SLC16A12: variants seen among roughly 807,000 people sequenced by gnomAD.
SLC16A12 encodes the protein solute carrier family 16 member 12.
A neutral mutation model predicts 42.4 loss-of-function variants in SLC16A12; 17 were observed. The ratio of observed to expected loss-of-function variants is 0.40; its 90% CI spans 0.27 to 0.60. SLC16A12 has a LOEUF of 0.60. SLC16A12 is among the 20% of genes least tolerant of loss of function. The pLI is 0.42. For synonymous variants in SLC16A12, 224 were observed against 229.4 expected (o/e 0.98, Z 0.21); for missense variants, 544 against 623.0 (o/e 0.87, Z 1.35).
At chr10:89,481,792 G>A (rs1226404050) in intron 2 of SLC16A12, among the ~76,000 whole-genome samples, 2 of 151,956 alleles carry the variant, frequency 1.3e-5, no homozygotes, top group Non-Finnish European at 2.9e-5. Context: ...AACATTTGAT[G>A]ACTAAATAAC....
chr10:89,485,083 G>C (rs1842725520), intron 2 of SLC16A12, among the ~76,000 whole-genome samples: 3 of 152,196 alleles, frequency 2.0e-5, no homozygotes, highest in Admixed American at 2.0e-4. Context: ...GAGCAGCCGA[G>C]AACCAGGGGA....
chr10:89,481,293 T>C (rs1453361218), intron 2 of SLC16A12, among the ~76,000 whole-genome samples: 1 of 152,208 alleles, frequency 6.6e-6, no homozygotes, highest in Admixed American at 6.5e-5. Flanking sequence ...ATGCTCTTTT[T>C]ATACAAAGTA....
upstream of SLC16A12, among the ~76,000 whole-genome samples, chr10:89,539,142 A>G (rs749066115): frequency 1.3e-5 from 2 of 152,198 alleles, no homozygotes; most frequent in African/African-American, 2.4e-5. Flanking sequence ...TGGTCCCTGT[A>G]TCTGTCTCAA....
At chr10:89,481,130 C>G (rs750177085) in intron 2 of SLC16A12, among the ~76,000 whole-genome samples, 3 of 152,090 alleles carry the variant, frequency 2.0e-5, no homozygotes, top group Non-Finnish European at 4.4e-5. Context: ...TAAATCAGAA[C>G]ACAAAATGTA....
chr10:89,471,877 A>G (rs1236263548), intron 2 of SLC16A12, among the ~76,000 whole-genome samples: 1 of 152,204 alleles, frequency 6.6e-6, no homozygotes, highest in African/African-American at 2.4e-5. Flanking sequence ...CCAATGACTA[A>G]TTATATTAAC....
chr10:89,440,073 C>CAAAAAAA lies in SLC16A12; in HGVS notation c.449-897_449-891dup, dbSNP rs10674171. Among the ~76,000 whole-genome samples the CAAAAAAA allele has an allele frequency of 6.7e-3, 210 of 31,438 alleles. 32 individuals carry two copies. The highest frequency in any genetic ancestry group is 0.036 in the Middle Eastern group (1 of 28). 20.6% of individuals were successfully genotyped at this position (31,438 alleles called of 152,430 possible). ...GGACCGAGCCAGATAGACCCTGTCT[C>CAAAAAAA]AAAAAAAAAAAAAAAAAAAAAAAAA... On this transcript the variant is annotated intron_variant, in intron 5 of 7. Coordinates refer to ENST00000371790, the MANE Select transcript of SLC16A12 (RefSeq NM_213606.4).
At chr10:89,483,708 AG>A (rs142487337) in intron 2 of SLC16A12, among the ~76,000 whole-genome samples, 9,782 of 147,434 alleles carry the variant, frequency 0.066, 483 homozygotes, top group East Asian at 0.21. Context: ...ACTGCACTCC[AG>A]CCTTGGCAAC....
At chr10:89,491,204 T>A (rs1304008362) in intron 2 of SLC16A12, among the ~76,000 whole-genome samples, 1 of 152,144 alleles carries the variant, frequency 6.6e-6, no homozygotes, top group East Asian at 1.9e-4. Flanking sequence ...GGAGCCATTA[T>A]AATCCTGCCC....
chr10:89,517,148 C>G (rs1229582438), intron 2 of SLC16A12, among the ~76,000 whole-genome samples: 1 of 152,080 alleles, frequency 6.6e-6, no homozygotes, highest in Non-Finnish European at 1.5e-5. Flanking sequence ...TCCCTTGAGC[C>G]CAGGAGTTCA....
At chr10:89,524,401 C>T (rs187615591) in intron 2 of SLC16A12, among the ~76,000 whole-genome samples, 1 of 152,332 alleles carries the variant, frequency 6.6e-6, no homozygotes, top group Non-Finnish European at 1.5e-5. Context: ...CTTCTCCAGA[C>T]CCCTGGCCAC....
intron 3 of SLC16A12, 148 bp downstream of exon 3, chr10:89,462,231 G>C: frequency 9.2e-7 from 1 of 1,081,886 alleles, no homozygotes; most frequent in Non-Finnish European, 1.3e-6. Flanking sequence ...CAAAGAAAAT[G>C]ATACCTGAAG....
At chr10:89,538,847 A>T (rs1843695847), upstream of SLC16A12, among the ~76,000 whole-genome samples, 1 of 152,156 alleles carries the variant, frequency 6.6e-6, no homozygotes, top group Non-Finnish European at 1.5e-5. Flanking sequence ...TTCTCCTAAG[A>T]CCATGTGTGT....
At chr10:89,514,708 C>A (rs1487329233) in intron 2 of SLC16A12, among the ~76,000 whole-genome samples, 1 of 152,204 alleles carries the variant, frequency 6.6e-6, no homozygotes, top group Non-Finnish European at 1.5e-5. Flanking sequence ...AATGTTTCCT[C>A]AATGTTTACA....
chr10:89,551,753 T>G (rs1843772392), intron 2 of SLC16A12, among the ~76,000 whole-genome samples: 1 of 152,216 alleles, frequency 6.6e-6, no homozygotes, highest in African/African-American at 2.4e-5. Context: ...GCCACCACCA[T>G]GTAAGAAGTG....
chr10:89,517,206 C>T (rs994783318), intron 2 of SLC16A12, among the ~76,000 whole-genome samples: 3 of 152,096 alleles, frequency 2.0e-5, no homozygotes, highest in African/African-American at 7.2e-5. Context: ...GCGTGGGTGA[C>T]AAGGTGAAAC....
At chr10:89,453,635 C>T (rs117388049) in intron 3 of SLC16A12, among the ~76,000 whole-genome samples, 2,892 of 152,228 alleles carry the variant, frequency 0.019, 34 homozygotes, top group Middle Eastern at 0.034. Context: ...GTGCAGTACG[C>T]GCTACTTTCT....
At position 89,432,210 on chromosome 10, in the gene SLC16A12, T is replaced by A. The variant is rs1338452986; in HGVS notation, c.*854A>T. 1 of 152,610 alleles carries A rather than the reference T, an allele frequency of 6.6e-6. No individual in the cohort carries two copies. Among genetic ancestry groups the A allele is most frequent in the Non-Finnish European group, 1.5e-5 (1 of 68,036 alleles). The allele number at this position is 152,610 out of a possible 1,614,324, so 9.5% of individuals were successfully genotyped here. On this transcript the variant is annotated 3_prime_UTR_variant, in exon 8 of 8. Coordinates refer to ENST00000371790, the MANE Select transcript of SLC16A12 (RefSeq NM_213606.4). The stretch of plus-strand genomic sequence containing the variant: ...CGGGAAGTTTTGGTGTTGTTGACAT[T>A]TCAGGTAAGATTGAGAGGTTGTCCT...
At chr10:89,475,541 G>A (rs886378796) in intron 2 of SLC16A12, among the ~76,000 whole-genome samples, 5 of 152,134 alleles carry the variant, frequency 3.3e-5, no homozygotes, top group Non-Finnish European at 7.4e-5. Flanking sequence ...TAATGTTCTA[G>A]GTGAAGAGAG....
At chr10:89,482,372 A>G (rs1284272695) in intron 2 of SLC16A12, among the ~76,000 whole-genome samples, 1 of 152,234 alleles carries the variant, frequency 6.6e-6, no homozygotes, top group Non-Finnish European at 1.5e-5. Flanking sequence ...TGTACTCTAC[A>G]CTAACAAGTT....
Sources: allele counts gnomAD v4.1 joint callset (sites outside exome capture counted in the v4.1 genomes callset), GRCh38; gene constraint gnomAD v4.1.1; transcripts MANE v1.5; gene names NCBI Gene and HGNC (gene_info 2026-07-23, HGNC 2026-07-21).